RPGRIP1L: variants seen among roughly 807,000 people sequenced by gnomAD.
The protein encoded by RPGRIP1L is RPGRIP1 like.
In RPGRIP1L, 131 loss-of-function variants were observed where a neutral mutation model predicts 160.4. That is an observed-to-expected ratio of 0.82 (90% CI 0.71 to 0.94). RPGRIP1L has a LOEUF of 0.94. Among genes scored for constraint, RPGRIP1L ranks in the 40% least tolerant of loss-of-function variants. The pLI is 0.00. For synonymous variants in RPGRIP1L, 510 were observed against 515.8 expected (o/e 0.99, Z 0.15); for missense variants, 1,522 against 1,535.8 (o/e 0.99, Z 0.15).
rs569845280 is a variant in RPGRIP1L, at chr16:53,625,717, G to C, written c.3295-3361C>G. On this transcript the variant is annotated intron_variant, in intron 22 of 26. Coordinates refer to ENST00000647211, the MANE Select transcript of RPGRIP1L (RefSeq NM_015272.5). ...CGAATAGAAAAGGGGGAAATGTGGG[G>C]AAAAGAAAGAGAGATCAGATTGTTA... Among the ~76,000 whole-genome samples the C allele has an allele frequency of 2.0e-5, 3 of 152,326 alleles. No individual in the cohort carries two copies. In the East Asian group the frequency reaches 5.8e-4, roughly 29 times the overall value.
chr16:53,676,984 T>C (rs1444502205), intron 6 of RPGRIP1L, among the ~76,000 whole-genome samples: 4 of 152,164 alleles, frequency 2.6e-5, no homozygotes, highest in Non-Finnish European at 4.4e-5. Context: ...ATAATAACCA[T>C]TAATTACAGT....
rs762130344 is a variant in RPGRIP1L at position 53,657,482 on chromosome 16, T to C, written c.1552A>G (p.Met518Val). Residue 518 changes from methionine to valine, a missense_variant, in exon 13 of 27, where the codon ATG (methionine) becomes GTG (valine). Transcript: ENST00000647211. ...ELEKTRNMLI[M>V]QHKINKDYQM... Reference sequence around the variant, plus strand: ...TAATCTTTATTAATTTTGTGTTGCATAATTAGCATGTTTCTTGTCTTTTCC... The same window carrying C: ...TAATCTTTATTAATTTTGTGTTGCACAATTAGCATGTTTCTTGTCTTTTCC... 1.6e-5 allele frequency: 25 copies of C among 1,612,322 alleles called. No homozygotes were observed. Among genetic ancestry groups the C allele is most frequent in the Non-Finnish European group, 2.0e-5 (23 of 1,178,980 alleles).
chr16:53,646,070 C>A, intron 16 of RPGRIP1L, 67 bp from the exon 17 acceptor site: 1 of 1,426,324 alleles, frequency 7.0e-7, no homozygotes, highest in South Asian at 1.2e-5. Flanking sequence ...AGCTGCCAAG[C>A]CCCAAATAAG....
chr16:53,697,032 A>T (rs1174353953), intron 2 of RPGRIP1L, among the ~76,000 whole-genome samples: 1 of 152,052 alleles, frequency 6.6e-6, no homozygotes, highest in African/African-American at 2.4e-5. Context: ...CGTCTCTACT[A>T]AAAATACGAA....
Position 53,649,009 on chromosome 16 carries a change from C to T in RPGRIP1L, c.2259G>A (p.Leu753=), listed in dbSNP as rs768672275. The change falls in exon 16 of 27, where the codon TTG becomes TTA. Residue 753 remains leucine (L), a synonymous_variant. Transcript: ENST00000647211. ...CCTTAAAATTTGATGTTATATACCC[C>T]AAAGCCTTTGCCCTTTCTCGATAAA... ...IRLYRERAKA[L]GYITSNFKGP... 3.1e-6 allele frequency: 5 copies of T among 1,613,922 alleles called. No homozygotes were observed. The highest frequency in any genetic ancestry group is 3.4e-6 in the Non-Finnish European group (4 of 1,179,932).
chr16:53,653,454 A>C (rs1966970000), intron 14 of RPGRIP1L: 2 of 544,996 alleles, frequency 3.7e-6, no homozygotes, highest in South Asian at 7.6e-5. Flanking sequence ...TGATGGTTTC[A>C]CCGTTATATA....
At position 53,599,657 on chromosome 16, in the gene RPGRIP1L, C is replaced by T. The variant is rs1963297141; in HGVS notation, c.*2419G>A. On this transcript the variant is annotated 3_prime_UTR_variant, in exon 27 of 27. Coordinates refer to ENST00000647211, the MANE Select transcript of RPGRIP1L (RefSeq NM_015272.5). ...ACTGCTGGTGGCCCCTGACGCCAAG[C>T]CCTCTTCAATGGATCCAGTTTGGCT... is the stretch of plus-strand genomic sequence containing the variant. 1 of 152,212 alleles carries T rather than the reference C, an allele frequency of 6.6e-6. No homozygotes were observed. The highest frequency in any genetic ancestry group is 2.1e-4 in the South Asian group (1 of 4,822). The allele number at this position is 152,212 out of a possible 1,614,324, so 9.4% of individuals were successfully genotyped here.
At chr16:53,676,429 G>A (rs1254157440) in intron 6 of RPGRIP1L, among the ~76,000 whole-genome samples, 1 of 151,618 alleles carries the variant, frequency 6.6e-6, no homozygotes, top group African/African-American at 2.4e-5. Context: ...ACATCTTAAA[G>A]TCTAAAGAAA....
chr16:53,663,227 A>G (rs1018629171), intron 10 of RPGRIP1L, among the ~76,000 whole-genome samples: 5 of 149,684 alleles, frequency 3.3e-5, no homozygotes, highest in Non-Finnish European at 5.9e-5. Flanking sequence ...CCACTAAAAA[A>G]GATGAGGAAT....
At position 53,658,521 on chromosome 16, in the gene RPGRIP1L, A is replaced by C. The variant is rs913623907; in HGVS notation, c.1351-57T>G. 3 of 1,310,162 alleles carry C rather than the reference A, an allele frequency of 2.3e-6. No homozygotes were observed. In the East Asian group the frequency reaches 6.9e-5, roughly 30 times the overall value. 81.2% of individuals were successfully genotyped at this position (1,310,162 alleles called of 1,614,324 possible). ...GTTATGAATGGAAAATACAAGAGAC[A>C]TTCCAAGTATTCAAATTATCCCCAT... On this transcript the variant is annotated intron_variant, in intron 11 of 26. Transcript: ENST00000647211.
intron 16 of RPGRIP1L, among the ~76,000 whole-genome samples, chr16:53,646,717 A>G (rs1434967933): frequency 1.3e-5 from 2 of 152,190 alleles, no homozygotes; most frequent in Non-Finnish European, 2.9e-5. Flanking sequence ...AGAAAATGCT[A>G]GTGTTTCTGT....
At chr16:53,639,666 A>AG (rs912929263) in intron 19 of RPGRIP1L, among the ~76,000 whole-genome samples, 1 of 152,168 alleles carries the variant, frequency 6.6e-6, no homozygotes, top group African/African-American at 2.4e-5. Flanking sequence ...GCCATGAACA[A>AG]GTTACTTAAC....
intron 7 of RPGRIP1L, 121 bp from the exon 8 acceptor site, chr16:53,673,137 T>C (rs375212953): frequency 2.4e-5 from 23 of 948,120 alleles, no homozygotes; most frequent in Non-Finnish European, 1.6e-5. Context: ...GTTCACCTTA[T>C]ACAGATTATT....
At chr16:53,674,970 T>G (rs1567867097) in intron 7 of RPGRIP1L, 47 bp downstream of exon 7, 2 of 1,268,496 alleles carry the variant, frequency 1.6e-6, no homozygotes, top group Non-Finnish European at 2.3e-6. Flanking sequence ...TACTTTTGAA[T>G]CCTTTGCATC....
intron 2 of RPGRIP1L, among the ~76,000 whole-genome samples, chr16:53,697,860 C>G (rs1970928420): frequency 6.6e-6 from 1 of 151,722 alleles, no homozygotes; most frequent in African/African-American, 2.4e-5. Context: ...GCCTGGCTGC[C>G]CAGTCTGGAA....
intron 4 of RPGRIP1L, among the ~76,000 whole-genome samples, chr16:53,690,916 T>C (rs1444238644): frequency 6.6e-6 from 1 of 152,202 alleles, no homozygotes; most frequent in Non-Finnish European, 1.5e-5. Context: ...ACTTTAGTTG[T>C]ATTCAGAGTC....
rs750446830 is a variant in RPGRIP1L, at chr16:53,664,959, A to C, written c.1154T>G (p.Leu385Arg). The C allele has an allele frequency of 8.1e-6, 13 of 1,613,660 alleles. No individual in the cohort carries two copies. ...EEQWKLKEQQ[L>R]KVQIAQLETA... ...CTCGAGCTGAGCAATCTGCACTTTC[A>C]GCTGTTGCTCCTTTAACTTCCATTG... The change falls in exon 10 of 27, where the codon CTG (leucine) becomes CGG (arginine). Residue 385 changes from leucine to arginine, a missense_variant. Physicochemically the swap from Leu to Arg is moderately radical, Grantham distance 102. Transcript: ENST00000647211.
chr16:53,640,663 A>G (rs1468460438), intron 19 of RPGRIP1L, among the ~76,000 whole-genome samples: 1 of 152,158 alleles, frequency 6.6e-6, no homozygotes, highest in East Asian at 1.9e-4. Flanking sequence ...TATGGCAGAG[A>G]GAAAGTCGCT....
At chr16:53,664,778 C>T (rs776341794) in intron 10 of RPGRIP1L, 92 bp downstream of exon 10, 117 of 1,418,292 alleles carry the variant, frequency 8.2e-5, no homozygotes, top group Non-Finnish European at 1.1e-4. Flanking sequence ...GGGATACTGG[C>T]AAACAGTAGG....
Sources: gnomAD v4.1 joint callset for allele counts (sites outside exome capture counted in the v4.1 genomes callset) on GRCh38, gnomAD v4.1.1 for gene constraint, MANE v1.5 for transcripts, NCBI Gene and HGNC (gene_info 2026-07-23, HGNC 2026-07-21) for gene names.